The following NKX2-1 variants were observed in gnomAD, a reference collection of about 807,000 sequenced individuals.
The protein encoded by NKX2-1 is NK2 homeobox 1, also known as homeobox protein Nkx-2.1.
Under a neutral mutation model 35.1 loss-of-function variants are expected in NKX2-1, and 9 were observed. The observed-to-expected ratio is 0.26, with a 90% confidence interval of 0.15 to 0.45. The LOEUF is 0.45. NKX2-1 is among the 20% of genes least tolerant of loss of function. The pLI, the probability that NKX2-1 is intolerant of heterozygous loss-of-function variation, is 1.00. For synonymous variants in NKX2-1, 284 were observed against 269.9 expected (o/e 1.05, Z -0.51); for missense variants, 509 against 589.1 (o/e 0.86, Z 1.41).
intron 2 of NKX2-1, 109 bp from the exon 3 acceptor site, chr14:36,518,129 G>T: frequency 6.9e-7 from 1 of 1,458,582 alleles, no homozygotes; most frequent in Non-Finnish European, 9.3e-7. Context: ...GCGCCCTCCT[G>T]ACCCAGGCAG....
In NKX2-1 at chr14:36,517,246, G is replaced by A; in HGVS notation, c.*32C>T. The A allele has an allele frequency of 6.3e-7, 1 of 1,581,818 alleles. No individual in the cohort carries two copies. The highest frequency in any genetic ancestry group is 8.6e-7 in the Non-Finnish European group (1 of 1,166,020). On this transcript the variant is annotated 3_prime_UTR_variant, in exon 3 of 3. Transcript: ENST00000354822. ...CGGGCAGGAGGGAAGCGGTGAGGCA[G>A]AGCGCTGGGCTAGGGCCGGCCCGGC...
At chr14:36,518,109 C>G in intron 2 of NKX2-1, 89 bp from the exon 3 acceptor site, 3 of 1,531,700 alleles carry the variant, frequency 2.0e-6, no homozygotes, top group Non-Finnish European at 2.6e-6. Context: ...CCGGCCCGCC[C>G]CAACCGACGG....
chr14:36,518,373 G>A (rs189714484), intron 2 of NKX2-1, among the ~76,000 whole-genome samples: 469 of 152,332 alleles, frequency 3.1e-3, no homozygotes, highest in Middle Eastern at 6.8e-3. Flanking sequence ...GCGGCGAACT[G>A]GGCTCAGGCC....
chr14:36,517,931 G>T lies in NKX2-1; in HGVS notation c.553C>A (p.Pro185Thr). 2.5e-6 allele frequency: 4 copies of T among 1,605,704 alleles called. No individual in the cohort carries two copies. Among genetic ancestry groups the T allele is most frequent in the Non-Finnish European group, 3.4e-6 (4 of 1,179,628 alleles). Residue 185 changes from proline (P) to threonine (T), a missense_variant, in exon 3 of 3, where the codon CCG becomes ACG. Around this residue, in one of 5 missense-constraint regions of NKX2-1, gnomAD observed 271 missense variants for 284.1 expected, o/e 0.95. Transcript: ENST00000354822. ...TTCCTGCGCGGCGCGCTTGGCAGCG[G>T]GGCCATGTTCTTGCTCACGTCCCCC... ...SLGDVSKNMA[P>T]LPSAPRRKRR... is the part of the protein sequence containing the mutation.
chr14:36,516,995 T>G lies in NKX2-1; in HGVS notation c.*283A>C. On this transcript the variant is annotated 3_prime_UTR_variant, in exon 3 of 3. Coordinates refer to ENST00000354822, the MANE Select transcript of NKX2-1 (RefSeq NM_001079668.3). Reference sequence around the variant, plus strand: ...TCACCAAAAAAAGACACCCCAAAGCTGTTTTATGCCCTTCTCTGCTTAAAG... The same window carrying G: ...TCACCAAAAAAAGACACCCCAAAGCGGTTTTATGCCCTTCTCTGCTTAAAG... 1 of 511,068 alleles carries G rather than the reference T, an allele frequency of 2.0e-6. No individual in the cohort carries two copies. Among genetic ancestry groups the G allele is most frequent in the Non-Finnish European group, 3.4e-6 (1 of 297,656 alleles). The allele number at this position is 511,068 out of a possible 1,614,324, so 31.7% of individuals were successfully genotyped here. A position where few individuals can be genotyped will look rare whatever the true frequency, so the allele number is the denominator to read the frequency against.
rs1052071927 is a variant in NKX2-1, at chr14:36,519,129, G to C, written c.319C>G (p.Gln107Glu). The C allele has an allele frequency of 6.8e-6, 11 of 1,606,680 alleles. No individual in the cohort carries two copies. Among genetic ancestry groups the C allele is most frequent in the Non-Finnish European group, 9.3e-6 (11 of 1,179,018 alleles). The change falls in exon 2 of 3, where the codon CAG becomes GAG. Residue 107 changes from glutamine to glutamate, a missense_variant. Physicochemically the swap from Gln to Glu is conservative, Grantham distance 29 (BLOSUM62 2). Transcript: ENST00000354822. ...CCCCCCACGGCGGAGTGCGAGAGCT[G>C]GGGCACCCCCGCCGCCGTCATGTGG... is the stretch of plus-strand genomic sequence containing the variant. ...AYHMTAAGVP[Q>E]LSHSAVGGYC...
chr14:36,519,133 C>A lies in NKX2-1; in HGVS notation c.315G>T (p.Val105=), dbSNP rs1881213396. Reference sequence around the variant, plus strand: ...CCACGGCGGAGTGCGAGAGCTGGGGCACCCCCGCCGCCGTCATGTGGTAGG... The same window carrying A: ...CCACGGCGGAGTGCGAGAGCTGGGGAACCCCCGCCGCCGTCATGTGGTAGG... The part of the protein sequence containing the change: ...TAAYHMTAAG[V]PQLSHSAVGG... The change falls in exon 2 of 3, where the codon GTG becomes GTT. Residue 105 remains valine, a synonymous_variant. Coordinates refer to ENST00000354822, the MANE Select transcript of NKX2-1 (RefSeq NM_001079668.3). 6.2e-7 allele frequency: 1 copy of A among 1,606,240 alleles called. No homozygotes were observed. Among genetic ancestry groups the A allele is most frequent in the Non-Finnish European group, 8.5e-7 (1 of 1,178,764 alleles).
chr14:36,519,182 C>A lies in NKX2-1; in HGVS notation c.266G>T (p.Gly89Val). 6.2e-7 allele frequency: 1 copy of A among 1,603,442 alleles called. No homozygotes were observed. Among genetic ancestry groups the A allele is most frequent in the African/African-American group, 1.3e-5 (1 of 74,792 alleles). ...GGCGGCGGTGACGGCGCCGTGGTGC[C>A]CCACGGCGTGCTGCTGCATGGCCGC... ...PTAAMQQHAVGHHGAVTAAYH... is the reference protein window; with the variant it reads ...PTAAMQQHAVVHHGAVTAAYH... The change falls in exon 2 of 3, where the codon GGG (glycine) becomes GTG (valine). Residue 89 changes from glycine to valine, a missense_variant. Coordinates refer to ENST00000354822, the MANE Select transcript of NKX2-1 (RefSeq NM_001079668.3).
At position 36,519,193 on chromosome 14, in the gene NKX2-1, C is replaced by T. The variant is rs1234556444; in HGVS notation, c.255G>A (p.Gln85=). The change falls in exon 2 of 3, where the codon CAG becomes CAA. Residue 85 remains glutamine (Q), a synonymous_variant. Transcript: ENST00000354822. ...CGGCGCCGTGGTGCCCCACGGCGTG[C>T]TGCTGCATGGCCGCTGTTGGCGGTG... is the stretch of plus-strand genomic sequence containing the variant. ...QAAPPTAAMQ[Q]HAVGHHGAVT... The T allele has an allele frequency of 6.2e-7, 1 of 1,603,494 alleles. No homozygotes were observed. The highest frequency in any genetic ancestry group is 8.5e-7 in the Non-Finnish European group (1 of 1,175,346).
In NKX2-1 at chr14:36,517,584, G is replaced by A. The variant is rs2139406506; in HGVS notation, c.900C>T (p.Cys300=). 2.0e-6 allele frequency: 3 copies of A among 1,511,868 alleles called. No homozygotes were observed. Among genetic ancestry groups the A allele is most frequent in the African/African-American group, 1.4e-5 (1 of 69,796 alleles). The allele number at this position is 1,511,868 out of a possible 1,614,324, so 93.7% of individuals were successfully genotyped here. A position where few individuals can be genotyped will look rare whatever the true frequency, so the allele number is the denominator to read the frequency against. Residue 300 remains cysteine (C), a synonymous_variant, in exon 3 of 3, where the codon TGC becomes TGT. Transcript: ENST00000354822. ...VPVLVKDGKP[C]QAGAPAPGAA... Reference sequence around the variant, plus strand: ...CGCCCGGCGCGGGGGCACCCGCCTGGCACGGTTTGCCGTCTTTCACCAGGA... The same window carrying A: ...CGCCCGGCGCGGGGGCACCCGCCTGACACGGTTTGCCGTCTTTCACCAGGA...
At chr14:36,519,718 T>A in intron 1 of NKX2-1, 1 of 1,503,668 alleles carries the variant, frequency 6.7e-7, no homozygotes. Context: ...GATTTTTAGG[T>A]CTCAAAGAGA....
rs1302643787 is a variant in NKX2-1 at position 36,520,198 on chromosome 14, C to A, written c.-69G>T. 3.1e-6 allele frequency: 5 copies of A among 1,588,980 alleles called. No homozygotes were observed. In the Admixed American group the frequency reaches 7.0e-5, roughly 22 times the overall value. On this transcript the variant is annotated 5_prime_UTR_variant, in exon 1 of 3. Coordinates refer to ENST00000354822, the MANE Select transcript of NKX2-1 (RefSeq NM_001079668.3). ...GCGAGTCTGGGGACGAACCCTGGGG[C>A]CGCACTGTTGGTCTACGTGTCTGTC...
rs568279403 is a variant in NKX2-1, at chr14:36,517,368, G to T, written c.1116C>A (p.Gly372=). The part of the protein sequence containing the change: ...HHAASPAALQ[G]QVSSLSHLNS... ...TCAGGTGGGACAGGCTGGATACCTG[G>T]CCCTGCAGCGCCGCGGGGCTGGCGG... is the stretch of plus-strand genomic sequence containing the variant. The change falls in exon 3 of 3, where the codon GGC becomes GGA. Residue 372 remains glycine (G), a synonymous_variant. Coordinates refer to ENST00000354822, the MANE Select transcript of NKX2-1 (RefSeq NM_001079668.3). The T allele has an allele frequency of 1.2e-6, 2 of 1,607,520 alleles. No homozygotes were observed. The highest frequency in any genetic ancestry group is 2.2e-5 in the South Asian group (2 of 89,486).
chr14:36,517,115 C>A lies in NKX2-1; in HGVS notation c.*163G>T. On this transcript the variant is annotated 3_prime_UTR_variant, in exon 3 of 3. Coordinates refer to ENST00000354822, the MANE Select transcript of NKX2-1 (RefSeq NM_001079668.3). The stretch of plus-strand genomic sequence containing the variant: ...TAGGGGGGGAAAAAAAGAAAGACGT[C>A]CAGCAGTTTGGCCTTTGTGGTTTTT... 1.7e-6 allele frequency: 2 copies of A among 1,209,586 alleles called. No homozygotes were observed. The highest frequency in any genetic ancestry group is 3.4e-5 in the Admixed American group (1 of 29,614). The allele number at this position is 1,209,586 out of a possible 1,614,324, so 74.9% of individuals were successfully genotyped here.
At chr14:36,519,662 T>G in intron 1 of NKX2-1, 1 of 1,522,366 alleles carries the variant, frequency 6.6e-7, no homozygotes, top group Non-Finnish European at 8.8e-7. Flanking sequence ...GATAATTAGC[T>G]TACATGCTGA....
intron 2 of NKX2-1, 23 bp downstream of exon 2, chr14:36,518,962 C>G (rs1170881768): frequency 1.3e-6 from 2 of 1,548,868 alleles, no homozygotes; most frequent in Non-Finnish European, 1.7e-6. Flanking sequence ...CCCGCGGCCC[C>G]GCAGTGGGGC....
In NKX2-1 at chr14:36,520,204, T is replaced by A; in HGVS notation, c.-75A>T. ...CTGGGGACGAACCCTGGGGCCGCAC[T>A]GTTGGTCTACGTGTCTGTCAGTCTG... On this transcript the variant is annotated 5_prime_UTR_variant, in exon 1 of 3. Coordinates refer to ENST00000354822, the MANE Select transcript of NKX2-1 (RefSeq NM_001079668.3). 6.3e-7 allele frequency: 1 copy of A among 1,581,832 alleles called. No individual in the cohort carries two copies. The highest frequency in any genetic ancestry group is 8.6e-7 in the Non-Finnish European group (1 of 1,167,016).
At position 36,517,508 on chromosome 14, in the gene NKX2-1, C is replaced by G; in HGVS notation, c.976G>C (p.Ala326Pro). 7.3e-7 allele frequency: 1 copy of G among 1,361,326 alleles called. No homozygotes were observed. Among genetic ancestry groups the G allele is most frequent in the Non-Finnish European group, 9.4e-7 (1 of 1,064,300 alleles). 84.3% of individuals were successfully genotyped at this position (1,361,326 alleles called of 1,614,324 possible). Residue 326 changes from alanine (A) to proline (P), a missense_variant, in exon 3 of 3, where the codon GCC becomes CCC. This residue lies in a region of NKX2-1 where 212 missense variants were observed against 227.7 expected (regional missense o/e 0.93). Coordinates refer to ENST00000354822, the MANE Select transcript of NKX2-1 (RefSeq NM_001079668.3). The stretch of plus-strand genomic sequence containing the variant: ...ATGGCCGCTGCCGCCGCCTGCGCGG[C>G]CTGCGCCTGGTGCTGCGCCTGCTGC... ...AQQQAQHQAQAAQAAAAAISV... is the reference protein window; with the variant it reads ...AQQQAQHQAQPAQAAAAAISV...
chr14:36,520,064 G>C lies in NKX2-1; in HGVS notation c.66C>G (p.Pro22=), dbSNP rs1477283055. The change falls in exon 1 of 3, where the codon CCC becomes CCG. Residue 22 remains proline, a synonymous_variant. Coordinates refer to ENST00000354822, the MANE Select transcript of NKX2-1 (RefSeq NM_001079668.3). ...GGTGGGGGTTTCACCTGAGCCTGCC[G>C]GGGCTGCTCCTCCCTCCCGCCGCGG... is the stretch of plus-strand genomic sequence containing the variant. ...WEAAAGGRSS[P]GRLSRRRIMS... 1.9e-5 allele frequency: 31 copies of C among 1,612,932 alleles called. No homozygotes were observed. Among genetic ancestry groups the C allele is most frequent in the Non-Finnish European group, 2.6e-5 (31 of 1,179,850 alleles).
Sources: allele counts gnomAD v4.1 joint callset (sites outside exome capture counted in the v4.1 genomes callset), GRCh38; gene constraint gnomAD v4.1.1; regional missense constraint gnomAD v4.1.1; transcripts MANE v1.5; gene names NCBI Gene and HGNC (gene_info 2026-07-23, HGNC 2026-07-21).